Variants in EHD4 observed in about 807,000 individuals in gnomAD.
EHD4 encodes EH domain containing 4, also known as EH domain-containing protein 4.
EHD4 carries 37 observed loss-of-function variants against 51.0 expected under a neutral mutation model. The observed-to-expected ratio is 0.73, with a 90% confidence interval of 0.56 to 0.95. The LOEUF (loss-of-function observed/expected upper bound fraction) is 0.95. EHD4 is among the 40% of genes least tolerant of loss of function. The probability of loss-of-function intolerance (pLI) is 0.00; values close to 1 mark genes in which losing one functional copy is unlikely to be tolerated. For missense variants in EHD4, 632 were observed against 733.1 expected, an observed-to-expected ratio of 0.86 and a Z score of 1.59; for synonymous variants, 297 against 317.3, an observed-to-expected ratio of 0.94 and a Z score of 0.68.
rs1566826335 is a variant in EHD4, at chr15:41,953,750, TTGCTGG to T, written c.413+8_413+13del. ...AAACAGCCTGACCGAAGATGGCAGC[TTGCTGG>T]TCCTTACCGATTCAGGAAAGCGTTT... On this transcript the variant is annotated splice_region_variant and intron_variant, in intron 2 of 5. Transcript: ENST00000220325. The T allele has an allele frequency of 6.3e-7, 1 of 1,580,464 alleles. No individual in the cohort carries two copies. Among genetic ancestry groups the T allele is most frequent in the Admixed American group, 2.0e-5 (1 of 51,052 alleles).
chr15:41,965,281 G>C (rs1396190236), intron 1 of EHD4, among the ~76,000 whole-genome samples: 1 of 152,028 alleles, frequency 6.6e-6, no homozygotes, highest in Non-Finnish European at 1.5e-5. Flanking sequence ...AATGACATAA[G>C]AAAATGCTCA....
intron 3 of EHD4, chr15:41,941,592 TTGTTTTTTTTTC>T (rs1224989853): frequency 6.6e-6 from 1 of 150,608 alleles, no homozygotes; most frequent in Non-Finnish European, 1.5e-5. Flanking sequence ...GTTTTTTTTT[TTGTTTTTTTTTC>T]ATAATTGCAA....
In EHD4 at chr15:41,900,599, T is replaced by A; in HGVS notation, c.*46A>T. 2 of 1,508,566 alleles carry A rather than the reference T, an allele frequency of 1.3e-6. No homozygotes were observed. Among genetic ancestry groups the A allele is most frequent in the Non-Finnish European group, 1.8e-6 (2 of 1,129,402 alleles). The allele number at this position is 1,508,566 out of a possible 1,614,324, so 93.4% of individuals were successfully genotyped here. A position where few individuals can be genotyped will look rare whatever the true frequency, so the allele number is the denominator to read the frequency against. ...CGGTGAGTCAGTGGTGGAGCAGGCC[T>A]GAGGCCCAGGTCCCCCAGTTCCCAC... On this transcript the variant is annotated 3_prime_UTR_variant, in exon 6 of 6. Coordinates refer to ENST00000220325, the MANE Select transcript of EHD4 (RefSeq NM_139265.4). This position sits in a 1 kb window ranked among gnomAD's most constrained non-coding sequence, Gnocchi z 4.8.
chr15:41,904,309 C>G (rs1436508910), intron 5 of EHD4, among the ~76,000 whole-genome samples: 4 of 152,108 alleles, frequency 2.6e-5, no homozygotes, highest in African/African-American at 9.7e-5. Context: ...AGCAGTTATT[C>G]CTGTCCTGGG....
Position 41,933,492 on chromosome 15 carries a change from C to T in EHD4, c.511+9575G>A, listed in dbSNP as rs535161432. ...TGAAGCTCAAAGAGGTGAAGTAACT[C>T]GCCCAGGTTGCCCAGCTGGCAAGGG... On this transcript the variant is annotated intron_variant, in intron 3 of 5. Transcript: ENST00000220325. Among the ~76,000 whole-genome samples the T allele has an allele frequency of 3.9e-5, 6 of 152,336 alleles. No individual in the cohort carries two copies. In the South Asian group the frequency reaches 8.3e-4, roughly 21 times the overall value.
At position 41,952,472 on chromosome 15, in the gene EHD4, C is replaced by T. The variant is rs1413152651; in HGVS notation, c.413+1292G>A. ...AAACAAGAAAAAAGCATTACACAAA[C>T]GCAAGGGGTAGCAAATAGGAGGTGC... On this transcript the variant is annotated intron_variant, in intron 2 of 5. Coordinates refer to ENST00000220325, the MANE Select transcript of EHD4 (RefSeq NM_139265.4). Among the ~76,000 whole-genome samples the T allele has an allele frequency of 4.6e-5, 7 of 151,962 alleles. No homozygotes were observed. In the South Asian group the frequency reaches 1.5e-3, roughly 32 times the overall value.
intron 1 of EHD4, among the ~76,000 whole-genome samples, chr15:41,956,892 G>C (rs2067891610): frequency 2.0e-5 from 3 of 152,180 alleles, no homozygotes; most frequent in South Asian, 4.1e-4. Flanking sequence ...TAAAGACAGA[G>C]CACATTAACA....
intron 3 of EHD4, among the ~76,000 whole-genome samples, chr15:41,941,182 A>G (rs1469198831): frequency 6.6e-6 from 1 of 152,218 alleles, no homozygotes; most frequent in Non-Finnish European, 1.5e-5. Context: ...CCACAGCACT[A>G]TTTGTAAGCA....
chr15:41,934,220 C>G (rs559666788), intron 3 of EHD4, among the ~76,000 whole-genome samples: 111 of 151,952 alleles, frequency 7.3e-4, no homozygotes, highest in Non-Finnish European at 1.5e-3. Flanking sequence ...AGTGGTGGCT[C>G]AGCCCTAACC....
At chr15:41,914,931 G>A (rs1015388872) in intron 4 of EHD4, among the ~76,000 whole-genome samples, 4 of 151,760 alleles carry the variant, frequency 2.6e-5, no homozygotes, top group Non-Finnish European at 4.4e-5. Flanking sequence ...GATTACAGGC[G>A]CCCACCTCCA....
intron 1 of EHD4, among the ~76,000 whole-genome samples, chr15:41,969,721 C>A (rs1038957612): frequency 6.6e-6 from 1 of 152,180 alleles, no homozygotes; most frequent in Non-Finnish European, 1.5e-5. Context: ...CCTTCCTCGG[C>A]TAGTACAGAG....
chr15:41,969,365 G>T (rs574376678), intron 1 of EHD4, among the ~76,000 whole-genome samples: 35 of 152,278 alleles, frequency 2.3e-4, no homozygotes, highest in Admixed American at 7.8e-4. Context: ...TGACCAACAT[G>T]GAAAAACCCC....
intron 3 of EHD4, 119 bp from the exon 4 acceptor site, chr15:41,919,741 T>A: frequency 1.1e-6 from 1 of 914,464 alleles, no homozygotes; most frequent in Non-Finnish European, 1.5e-6. Flanking sequence ...GTCTCCAACC[T>A]GGAGGCAGTG....
chr15:41,942,834 A>T, intron 3 of EHD4: 1 of 385,724 alleles, frequency 2.6e-6, no homozygotes, highest in African/African-American at 2.3e-5. Context: ...CCCACTCCTC[A>T]TCTTCATTTA....
Position 41,899,343 on chromosome 15 carries a change from T to C in EHD4, c.*1302A>G, listed in dbSNP as rs1460538655. 6.6e-6 allele frequency: 1 copy of C among 152,172 alleles called. No homozygotes were observed. Among genetic ancestry groups the C allele is most frequent in the African/African-American group, 2.4e-5 (1 of 41,422 alleles). 9.4% of individuals were successfully genotyped at this position (152,172 alleles called of 1,614,324 possible). On this transcript the variant is annotated 3_prime_UTR_variant, in exon 6 of 6. Transcript: ENST00000220325. ...TGAGCAGCAGTCCAGAGAGGTTTACTCAGGGGATTTGGGGAGCGCACACTC... is the reference window on the plus strand; with the variant it reads ...TGAGCAGCAGTCCAGAGAGGTTTACCCAGGGGATTTGGGGAGCGCACACTC...
chr15:41,936,798 T>C (rs1208991080), intron 3 of EHD4, among the ~76,000 whole-genome samples: 1 of 152,186 alleles, frequency 6.6e-6, no homozygotes, highest in Non-Finnish European at 1.5e-5. Context: ...GTAACACTTG[T>C]GGTGTGGAAT....
intron 1 of EHD4, among the ~76,000 whole-genome samples, chr15:41,965,923 G>A (rs1344630379): frequency 1.3e-5 from 1 of 77,622 alleles, no homozygotes; most frequent in African/African-American, 5.3e-5. Flanking sequence ...GCGCTCCCCT[G>A]CCCACCCCCC....
At chr15:41,940,036 C>G (rs1401838763) in intron 3 of EHD4, among the ~76,000 whole-genome samples, 1 of 152,040 alleles carries the variant, frequency 6.6e-6, no homozygotes, top group Non-Finnish European at 1.5e-5. Context: ...CCAAGCTGGT[C>G]TCTAACTCCT....
intron 5 of EHD4, among the ~76,000 whole-genome samples, chr15:41,903,822 A>C (rs957187937): frequency 6.6e-6 from 1 of 152,158 alleles, no homozygotes; most frequent in Non-Finnish European, 1.5e-5. Flanking sequence ...ATTCTCAGGA[A>C]GTAAAGTCAG....
Sources: allele counts gnomAD v4.1 joint callset (sites outside exome capture counted in the v4.1 genomes callset), GRCh38; gene constraint gnomAD v4.1.1; non-coding constraint Gnocchi (gnomAD v3.1); transcripts MANE v1.5; gene names NCBI Gene and HGNC (gene_info 2026-07-23, HGNC 2026-07-21).